The following CAMKMT variants were observed in gnomAD, a reference collection of about 807,000 sequenced individuals.
The protein encoded by CAMKMT is calmodulin-lysine N-methyltransferase, also known as CaM KMT.
CAMKMT carries 53 observed loss-of-function variants against 48.0 expected under a neutral mutation model. That is an observed-to-expected ratio of 1.10 (90% CI 0.89 to 1.39). CAMKMT has a LOEUF of 1.39. CAMKMT is among the 40% of genes most tolerant of loss of function. The probability of loss-of-function intolerance (pLI) is 0.00; values close to 1 mark genes in which losing one functional copy is unlikely to be tolerated. For synonymous variants in CAMKMT, 165 were observed against 152.3 expected (o/e 1.08, Z -0.61); for missense variants, 428 against 402.7 (o/e 1.06, Z -0.54).
intron 2 of CAMKMT, among the ~76,000 whole-genome samples, chr2:44,374,758 T>C (rs1171548542): frequency 1.3e-5 from 2 of 152,192 alleles, no homozygotes; most frequent in East Asian, 1.9e-4. Context: ...TGTATATCTA[T>C]ACAAATATGA....
chr2:44,517,316 A>G lies in CAMKMT; in HGVS notation c.376+127011A>G, dbSNP rs548152166. On this transcript the variant is annotated intron_variant, in intron 3 of 10. Coordinates refer to ENST00000378494, the MANE Select transcript of CAMKMT (RefSeq NM_024766.5). ...ATCTGTGTCTAGAAAGAAGTCTTCA[A>G]TTTTGATTAATATGTTTTATGAGCA... Among the ~76,000 whole-genome samples the G allele has an allele frequency of 2.0e-3, 305 of 152,308 alleles. 2 individuals are homozygous for G. The highest frequency in any genetic ancestry group is 6.8e-3 in the Middle Eastern group (2 of 294).
chr2:44,630,736 G>C (rs1007133003), intron 3 of CAMKMT, among the ~76,000 whole-genome samples: 2 of 150,356 alleles, frequency 1.3e-5, no homozygotes, highest in African/African-American at 4.9e-5. Context: ...TCATTAAAAA[G>C]TCAGGAAACA....
At chr2:44,758,681 TGAG>T (rs1336020520) in intron 9 of CAMKMT, among the ~76,000 whole-genome samples, 2 of 152,182 alleles carry the variant, frequency 1.3e-5, no homozygotes, top group Non-Finnish European at 2.9e-5. Flanking sequence ...TTCCCTCTGG[TGAG>T]TGGCTTGTTG....
At chr2:44,384,090 A>G (rs1258028673) in intron 2 of CAMKMT, among the ~76,000 whole-genome samples, 1 of 152,194 alleles carries the variant, frequency 6.6e-6, no homozygotes, top group Non-Finnish European at 1.5e-5. Context: ...CATTCCCACC[A>G]GCAGTGTAGA....
At chr2:44,754,481 A>G (rs1429412227) in intron 9 of CAMKMT, among the ~76,000 whole-genome samples, 4 of 152,220 alleles carry the variant, frequency 2.6e-5, no homozygotes, top group Admixed American at 6.5e-5. Context: ...GTCATTTTCA[A>G]TTCCTTCAAT....
intron 3 of CAMKMT, among the ~76,000 whole-genome samples, chr2:44,634,814 C>T (rs576361859): frequency 4.9e-5 from 3 of 60,652 alleles, no homozygotes; most frequent in East Asian, 5.8e-4. Context: ...AAAAAAAAAG[C>T]ATTCTAGTCA....
intron 3 of CAMKMT, among the ~76,000 whole-genome samples, chr2:44,441,448 ACT>A (rs1666655934): frequency 6.6e-6 from 1 of 151,854 alleles, no homozygotes; most frequent in Non-Finnish European, 1.5e-5. Flanking sequence ...TAGAACTAAG[ACT>A]CTATCTGCTT....
intron 3 of CAMKMT, among the ~76,000 whole-genome samples, chr2:44,537,154 T>C (rs1348788262): frequency 6.6e-6 from 1 of 152,040 alleles, no homozygotes; most frequent in Non-Finnish European, 1.5e-5. Flanking sequence ...AAAACAAAAA[T>C]GTACAAATGG....
At chr2:44,540,908 G>A (rs1460768837) in intron 3 of CAMKMT, among the ~76,000 whole-genome samples, 1 of 152,254 alleles carries the variant, frequency 6.6e-6, no homozygotes, top group African/African-American at 2.4e-5. Context: ...TGTAAGATAT[G>A]TGTCTAATTA....
At chr2:44,741,539 T>C (rs1679676204) in intron 7 of CAMKMT, among the ~76,000 whole-genome samples, 1 of 152,196 alleles carries the variant, frequency 6.6e-6, no homozygotes, top group Non-Finnish European at 1.5e-5. Flanking sequence ...CTCATACAGC[T>C]ACTAAGGGGA....
chr2:44,495,592 A>G (rs1669716054), intron 3 of CAMKMT, among the ~76,000 whole-genome samples: 1 of 152,170 alleles, frequency 6.6e-6, no homozygotes, highest in African/African-American at 2.4e-5. Context: ...GGGTTTCTAA[A>G]AGCTTTTGTA....
chr2:44,548,955 T>G (rs1239536383), intron 3 of CAMKMT, among the ~76,000 whole-genome samples: 1 of 152,088 alleles, frequency 6.6e-6, no homozygotes, highest in Non-Finnish European at 1.5e-5. Flanking sequence ...ACCTAAAGAG[T>G]TGTGAACTGA....
chr2:44,617,342 A>T (rs1671947300), intron 3 of CAMKMT, among the ~76,000 whole-genome samples: 1 of 152,190 alleles, frequency 6.6e-6, no homozygotes, highest in Non-Finnish European at 1.5e-5. Context: ...TTTCAAAATT[A>T]TTATTGTTGA....
At chr2:44,715,940 C>T (rs747821235) in intron 7 of CAMKMT, among the ~76,000 whole-genome samples, 12 of 152,142 alleles carry the variant, frequency 7.9e-5, no homozygotes, top group African/African-American at 1.9e-4. Flanking sequence ...GGTGTCCATT[C>T]GCTTTTAGAT....
intron 10 of CAMKMT, among the ~76,000 whole-genome samples, chr2:44,767,921 T>C (rs1306722533): frequency 1.3e-5 from 2 of 152,152 alleles, no homozygotes; most frequent in Non-Finnish European, 2.9e-5. Context: ...ATGCTTTTAG[T>C]TTCCCAGTGA....
chr2:44,697,862 C>G (rs1012789983), intron 3 of CAMKMT, among the ~76,000 whole-genome samples: 1 of 152,048 alleles, frequency 6.6e-6, no homozygotes, highest in Non-Finnish European at 1.5e-5. Flanking sequence ...ACAATACAAA[C>G]TTATTATGTA....
chr2:44,594,505 C>T (rs1670527125), intron 3 of CAMKMT, among the ~76,000 whole-genome samples: 1 of 152,130 alleles, frequency 6.6e-6, no homozygotes. Flanking sequence ...AGAAATAACA[C>T]CACACATCTA....
At chr2:44,604,190 C>A (rs1430849142) in intron 3 of CAMKMT, among the ~76,000 whole-genome samples, 3 of 152,064 alleles carry the variant, frequency 2.0e-5, no homozygotes, top group Non-Finnish European at 4.4e-5. Context: ...AGAATTAGAT[C>A]AAGGAAAGGA....
intron 3 of CAMKMT, among the ~76,000 whole-genome samples, chr2:44,477,534 G>C (rs944340042): frequency 6.6e-6 from 1 of 152,120 alleles, no homozygotes; most frequent in Admixed American, 6.5e-5. Context: ...AAGTTGTGTA[G>C]GTAGCTGGAA....
Sources: allele counts gnomAD v4.1 joint callset (sites outside exome capture counted in the v4.1 genomes callset), GRCh38; gene constraint gnomAD v4.1.1; transcripts MANE v1.5; gene names NCBI Gene and HGNC (gene_info 2026-07-23, HGNC 2026-07-21).